The following ZNF385B variants were observed in gnomAD, a reference collection of about 807,000 sequenced individuals.
ZNF385B encodes zinc finger protein 385B, also known as zinc finger protein 533.
Under a neutral mutation model 39.2 loss-of-function variants are expected in ZNF385B, and 23 were observed. That is an observed-to-expected ratio of 0.59 (90% CI 0.42 to 0.83). The LOEUF is 0.83. Among genes scored for constraint, ZNF385B ranks in the 40% least tolerant of loss-of-function variants. The pLI, the probability that ZNF385B is intolerant of heterozygous loss-of-function variation, is 0.00. For synonymous variants in ZNF385B, 205 were observed against 222.6 expected (o/e 0.92, Z 0.70); for missense variants, 552 against 598.9 (o/e 0.92, Z 0.82).
chr2:179,806,780 T>C (rs1706378658), intron 1 of ZNF385B, among the ~76,000 whole-genome samples: 2 of 152,196 alleles, frequency 1.3e-5, no homozygotes, highest in African/African-American at 4.8e-5. Flanking sequence ...ATCTGGCTTT[T>C]ACATCCAGCT....
intron 8 of ZNF385B, 46 bp from the exon 9 acceptor site, chr2:179,445,023 T>C: frequency 6.5e-7 from 1 of 1,535,612 alleles, no homozygotes; most frequent in Non-Finnish European, 9.0e-7. Context: ...TGAGTCTTAT[T>C]CCATGTAAAA....
At chr2:179,814,618 T>A (rs1412525754) in intron 1 of ZNF385B, 1 of 546,266 alleles carries the variant, frequency 1.8e-6, no homozygotes, top group African/African-American at 2.0e-5. Context: ...TGTAGGGCCC[T>A]CAATGGTGGC....
chr2:179,801,856 T>C (rs1212954167), intron 1 of ZNF385B, among the ~76,000 whole-genome samples: 2 of 152,068 alleles, frequency 1.3e-5, no homozygotes, highest in African/African-American at 4.8e-5. Flanking sequence ...AAACAAAGGG[T>C]GGCAGAAGGA....
chr2:179,681,874 C>A (rs1697547567), intron 3 of ZNF385B, among the ~76,000 whole-genome samples: 1 of 152,128 alleles, frequency 6.6e-6, no homozygotes, highest in African/African-American at 2.4e-5. Flanking sequence ...CCCTGTAACT[C>A]AATTTATAAG....
chr2:179,725,457 A>C (rs1700944612), intron 3 of ZNF385B, among the ~76,000 whole-genome samples: 1 of 151,938 alleles, frequency 6.6e-6, no homozygotes. Flanking sequence ...GAATATATAT[A>C]TACACACATT....
chr2:179,476,439 G>A (rs182162581), intron 6 of ZNF385B, among the ~76,000 whole-genome samples: 1 of 152,330 alleles, frequency 6.6e-6, no homozygotes, highest in Admixed American at 6.5e-5. Flanking sequence ...GCTTTTTGGA[G>A]TGGTTTTTAA....
chr2:179,694,351 C>CTTTTT (rs61002544), intron 3 of ZNF385B, among the ~76,000 whole-genome samples: 1 of 141,892 alleles, frequency 7.0e-6, no homozygotes, highest in Non-Finnish European at 1.5e-5. Flanking sequence ...CTGCATTAAG[C>CTTTTT]TTTTTTTTTT....
At chr2:179,602,588 C>T (rs552209623) in intron 3 of ZNF385B, among the ~76,000 whole-genome samples, 31 of 152,146 alleles carry the variant, frequency 2.0e-4, no homozygotes, top group African/African-American at 5.8e-4. Flanking sequence ...TTTTAAACTA[C>T]GCAAGGGTTT....
At chr2:179,558,036 C>T (rs2061069626) in intron 3 of ZNF385B, among the ~76,000 whole-genome samples, 1 of 152,154 alleles carries the variant, frequency 6.6e-6, no homozygotes, top group Non-Finnish European at 1.5e-5. Flanking sequence ...GTAGGAGGCA[C>T]ACTCACATTT....
chr2:179,847,127 T>C (rs1006296807), intron 1 of ZNF385B, among the ~76,000 whole-genome samples: 1 of 152,242 alleles, frequency 6.6e-6, no homozygotes, highest in Non-Finnish European at 1.5e-5. Context: ...TGGGTGCCAC[T>C]GCTTCTTGTC....
At chr2:179,815,166 G>A (rs1163540453) in intron 1 of ZNF385B, among the ~76,000 whole-genome samples, 1 of 152,120 alleles carries the variant, frequency 6.6e-6, no homozygotes, top group East Asian at 1.9e-4. Context: ...AGAGGACAAA[G>A]GCTTAAAAGA....
At chr2:179,639,249 A>AAAAGG (rs71029824) in intron 3 of ZNF385B, among the ~76,000 whole-genome samples, 13,819 of 125,110 alleles carry the variant, frequency 0.11, 1,256 homozygotes, top group Non-Finnish European at 0.17. Flanking sequence ...AAAAAAAAAA[A>AAAAGG]GGGGGAGAAA....
intron 3 of ZNF385B, among the ~76,000 whole-genome samples, chr2:179,587,116 T>G (rs1269260020): frequency 2.0e-5 from 3 of 151,524 alleles, no homozygotes; most frequent in African/African-American, 7.3e-5. Context: ...CCCTTCCACC[T>G]GGTTGACCTT....
intron 6 of ZNF385B, among the ~76,000 whole-genome samples, chr2:179,458,816 C>A (rs996755489): frequency 2.6e-5 from 4 of 152,172 alleles, no homozygotes; most frequent in Non-Finnish European, 5.9e-5. Context: ...CCTCCCTACA[C>A]CCTTCTTTGT....
At chr2:179,444,571 G>A (rs2049277149) in intron 9 of ZNF385B, among the ~76,000 whole-genome samples, 1 of 152,154 alleles carries the variant, frequency 6.6e-6, no homozygotes, top group African/African-American at 2.4e-5. Context: ...CAGCATTCCA[G>A]GATTCCTTAG....
intron 6 of ZNF385B, among the ~76,000 whole-genome samples, chr2:179,450,451 A>T (rs1214827272): frequency 1.3e-5 from 2 of 152,242 alleles, no homozygotes; most frequent in Admixed American, 1.3e-4. Context: ...ATATGAACAG[A>T]CACTTCTCAA....
intron 3 of ZNF385B, among the ~76,000 whole-genome samples, chr2:179,720,829 C>G (rs954573848): frequency 1.3e-4 from 20 of 151,498 alleles, no homozygotes; most frequent in African/African-American, 4.4e-4. Context: ...GATGTAATCA[C>G]ACTTACTATA....
intron 4 of ZNF385B, among the ~76,000 whole-genome samples, chr2:179,530,899 C>T (rs965294382): frequency 6.6e-6 from 1 of 152,056 alleles, no homozygotes; most frequent in African/African-American, 2.4e-5. Context: ...GCCACATAAC[C>T]GTTACACAGT....
rs770219234 is a variant in ZNF385B at position 179,524,551 on chromosome 2, C to CAAAAAAAAA, written c.442-5922_442-5914dup. On this transcript the variant is annotated intron_variant, in intron 4 of 9. Coordinates refer to ENST00000410066, the MANE Select transcript of ZNF385B (RefSeq NM_152520.6). ...TGGGTGACAGAGCGAGACTCCGTCTCAAAAAAAAAAAAAAAAAAAAAAAAA... is the reference window on the plus strand; with the variant it reads ...TGGGTGACAGAGCGAGACTCCGTCTCAAAAAAAAAAAAAAAAAAAAAAAAAAAAAAAAAA... Among the ~76,000 whole-genome samples the CAAAAAAAAA allele has an allele frequency of 1.2e-3, 71 of 60,990 alleles. 3 individuals carry two copies. Among genetic ancestry groups the CAAAAAAAAA allele is most frequent in the South Asian group, 3.7e-3 (4 of 1,074 alleles). The allele number at this position is 60,990 out of a possible 152,430, so 40.0% of individuals were successfully genotyped here. A position where few individuals can be genotyped will look rare whatever the true frequency, so the allele number is the denominator to read the frequency against.
Sources: gnomAD v4.1 joint callset for allele counts (sites outside exome capture counted in the v4.1 genomes callset) on GRCh38, gnomAD v4.1.1 for gene constraint, MANE v1.5 for transcripts, NCBI Gene and HGNC (gene_info 2026-07-23, HGNC 2026-07-21) for gene names.